Variants in ADCY1 observed in about 807,000 individuals in gnomAD.
ADCY1 encodes adenylate cyclase type 1.
Under a neutral mutation model 105.4 loss-of-function variants are expected in ADCY1, and 28 were observed. The observed-to-expected ratio is 0.27, with a 90% CI of 0.20 to 0.36. The LOEUF is 0.36. Ranked by LOEUF, ADCY1 falls within the 10% of genes least tolerant of loss-of-function variation. The pLI is 1.00. For missense variants in ADCY1, 977 were observed against 1,434.2 expected (o/e 0.68, Z 5.15); for synonymous variants, 655 against 623.8 (o/e 1.05, Z -0.75).
chr7:45,603,059 A>C (rs1793283548), intron 2 of ADCY1, among the ~76,000 whole-genome samples: 3 of 152,222 alleles, frequency 2.0e-5, no homozygotes. Flanking sequence ...GGAATCATAT[A>C]ATAGGTGATC....
At chr7:45,601,765 G>A (rs1246320196) in intron 2 of ADCY1, among the ~76,000 whole-genome samples, 1 of 152,112 alleles carries the variant, frequency 6.6e-6, no homozygotes, top group Non-Finnish European at 1.5e-5. Context: ...TAGTGAACTC[G>A]GGATGAGAGG....
chr7:45,600,985 A>AG (rs1793215030), intron 2 of ADCY1, among the ~76,000 whole-genome samples: 1 of 152,166 alleles, frequency 6.6e-6, no homozygotes. Context: ...ATGAATATGG[A>AG]GGGGAGGGTC....
chr7:45,652,084 G>C (rs1448037491), intron 5 of ADCY1, among the ~76,000 whole-genome samples: 1 of 152,120 alleles, frequency 6.6e-6, no homozygotes, highest in Non-Finnish European at 1.5e-5. Flanking sequence ...AGGCAAGCAC[G>C]TCTTCTCATG....
At chr7:45,592,692 C>A (rs541665553) in intron 1 of ADCY1, 67 bp from the exon 2 acceptor site, 1 of 1,597,190 alleles carries the variant, frequency 6.3e-7, no homozygotes. Flanking sequence ...GCTCTCCGGG[C>A]GGCCTAGGCC....
chr7:45,629,343 T>C (rs1192321460), intron 4 of ADCY1, among the ~76,000 whole-genome samples: 1 of 152,234 alleles, frequency 6.6e-6, no homozygotes, highest in Non-Finnish European at 1.5e-5. Flanking sequence ...CTGAAGCTTG[T>C]CTGTTTATTC....
intron 17 of ADCY1, among the ~76,000 whole-genome samples, chr7:45,707,021 G>A (rs1242511067): frequency 6.6e-6 from 1 of 152,216 alleles, no homozygotes; most frequent in African/African-American, 2.4e-5. Context: ...CTAGATACCT[G>A]TTAGAAGGGC....
chr7:45,594,735 T>TTTGCTGC, intron 2 of ADCY1, among the ~76,000 whole-genome samples: 1 of 152,162 alleles, frequency 6.6e-6, no homozygotes, highest in Non-Finnish European at 1.5e-5. Flanking sequence ...GAGGAGGCAG[T>TTTGCTGC]CCACACTCAG....
intron 4 of ADCY1, among the ~76,000 whole-genome samples, chr7:45,643,241 T>C (rs1040945120): frequency 4.0e-5 from 6 of 151,150 alleles, no homozygotes; most frequent in Non-Finnish European, 8.8e-5. Context: ...TTGTAATTGG[T>C]CCGAGGCTTT....
intron 2 of ADCY1, among the ~76,000 whole-genome samples, chr7:45,605,509 A>G (rs1309211818): frequency 6.6e-6 from 1 of 151,938 alleles, no homozygotes; most frequent in Non-Finnish European, 1.5e-5. Flanking sequence ...GGAAGTTTTC[A>G]TCATAAATAG....
At chr7:45,624,494 T>G (rs1197575312) in intron 4 of ADCY1, among the ~76,000 whole-genome samples, 1 of 152,134 alleles carries the variant, frequency 6.6e-6, no homozygotes, top group African/African-American at 2.4e-5. Flanking sequence ...CTTTTACTTT[T>G]CCAGTAAATA....
At chr7:45,622,576 G>A in intron 3 of ADCY1, 56 bp from the exon 4 acceptor site, 2 of 1,241,942 alleles carry the variant, frequency 1.6e-6, no homozygotes, top group Middle Eastern at 1.9e-4. Context: ...ACATCTCTAG[G>A]GATTATTTCC....
chr7:45,651,607 C>T (rs1794814032), intron 5 of ADCY1, among the ~76,000 whole-genome samples: 1 of 152,210 alleles, frequency 6.6e-6, no homozygotes. Flanking sequence ...TCTGTTTGCT[C>T]CCCGCCACTC....
Position 45,591,477 on chromosome 7 carries a change from A to G in ADCY1, c.640-1282A>G, listed in dbSNP as rs145430482. ...TTCATAGTGTGCAGCACACATTCACATGTGGGGGTGTTTGTGGTTAATCTG... is the reference window on the plus strand; with the variant it reads ...TTCATAGTGTGCAGCACACATTCACGTGTGGGGGTGTTTGTGGTTAATCTG... On this transcript the variant is annotated intron_variant, in intron 1 of 19. Transcript: ENST00000297323. This position sits in a 1 kb window ranked among gnomAD's most constrained non-coding sequence, Gnocchi z 4.1. Among the ~76,000 whole-genome samples the G allele has an allele frequency of 2.9e-3, 442 of 152,298 alleles. No homozygotes were observed. Among genetic ancestry groups the G allele is most frequent in the Non-Finnish European group, 4.2e-3 (287 of 68,026 alleles).
At chr7:45,599,228 C>A (rs1449064957) in intron 2 of ADCY1, among the ~76,000 whole-genome samples, 1 of 152,138 alleles carries the variant, frequency 6.6e-6, no homozygotes, top group African/African-American at 2.4e-5. Flanking sequence ...CAGCCTCCTT[C>A]CTGCCTTGAA....
rs1304344396 is a variant in ADCY1, at chr7:45,720,914, A to T, written c.*6919A>T. On this transcript the variant is annotated 3_prime_UTR_variant, in exon 20 of 20. Transcript: ENST00000297323. ...TATACTCCTTATGTTGACAGTGAAG[A>T]ATCTGAGGCCCAGAGAGGTTGGGGA... 1 of 152,268 alleles carries T rather than the reference A, an allele frequency of 6.6e-6. No homozygotes were observed. Among genetic ancestry groups the T allele is most frequent in the East Asian group, 1.9e-4 (1 of 5,198 alleles). The allele number at this position is 152,268 out of a possible 1,614,324, so 9.4% of individuals were successfully genotyped here.
chr7:45,660,038 G>T lies in ADCY1; in HGVS notation c.1308-4G>T. The T allele has an allele frequency of 6.2e-7, 1 of 1,613,974 alleles. No homozygotes were observed. On this transcript the variant is annotated splice_polypyrimidine_tract_variant and splice_region_variant and intron_variant, in intron 6 of 19. Coordinates refer to ENST00000297323, the MANE Select transcript of ADCY1 (RefSeq NM_021116.4). ...CATCTGGCCTCTGCCTCCTCCTTTT[G>T]TAGGAAGGTTCATATCACAAAGACG... is the stretch of plus-strand genomic sequence containing the variant.
At chr7:45,705,371 C>T (rs1785095117) in intron 17 of ADCY1, among the ~76,000 whole-genome samples, 1 of 152,194 alleles carries the variant, frequency 6.6e-6, no homozygotes, top group African/African-American at 2.4e-5. Context: ...GAATTATATA[C>T]TAAAACTGCA....
rs911241508 is a variant in ADCY1 at position 45,716,853 on chromosome 7, G to A, written c.*2858G>A. On this transcript the variant is annotated 3_prime_UTR_variant, in exon 20 of 20. Coordinates refer to ENST00000297323, the MANE Select transcript of ADCY1 (RefSeq NM_021116.4). ...GAGGCAGGAGAGCCTGGAAAGATTC[G>A]AAGTGTCACAGAGATGGTGCCGTCA... 6.6e-6 allele frequency: 1 copy of A among 152,382 alleles called. No homozygotes were observed. Among genetic ancestry groups the A allele is most frequent in the Non-Finnish European group, 1.5e-5 (1 of 68,198 alleles). 9.4% of individuals were successfully genotyped at this position (152,382 alleles called of 1,614,324 possible). A position where few individuals can be genotyped will look rare whatever the true frequency, so the allele number is the denominator to read the frequency against.
intron 8 of ADCY1, among the ~76,000 whole-genome samples, chr7:45,666,005 C>G (rs1157160258): frequency 6.6e-6 from 1 of 152,200 alleles, no homozygotes; most frequent in Non-Finnish European, 1.5e-5. Flanking sequence ...TGTTCTCTCT[C>G]AGGCACTTGC....
Sources: gnomAD v4.1 joint callset for allele counts (sites outside exome capture counted in the v4.1 genomes callset) on GRCh38, gnomAD v4.1.1 for gene constraint, Gnocchi (gnomAD v3.1) non-coding constraint, MANE v1.5 for transcripts, NCBI Gene and HGNC (gene_info 2026-07-23, HGNC 2026-07-21) for gene names.